The following ESCO1 variants were observed in gnomAD, a reference collection of about 807,000 sequenced individuals.
The protein encoded by ESCO1 is establishment of sister chromatid cohesion N-acetyltransferase 1.
Under a neutral mutation model 83.5 loss-of-function variants are expected in ESCO1, and 33 were observed. The observed-to-expected ratio is 0.40, with a 90% CI of 0.30 to 0.53. ESCO1 has a LOEUF of 0.53. ESCO1 is among the 20% of genes least tolerant of loss of function. The pLI is 0.63. For missense variants in ESCO1, 855 were observed against 968.0 expected (o/e 0.88, Z 1.55); for synonymous variants, 332 against 324.3 (o/e 1.02, Z -0.25).
chr18:21,564,376 G>A, intron 6 of ESCO1, 59 bp from the exon 7 acceptor site: 1 of 1,139,798 alleles, frequency 8.8e-7, no homozygotes, highest in Non-Finnish European at 1.2e-6. Context: ...ATCATTTGAA[G>A]GGGAAAAAAT....
chr18:21,530,533 T>C, intron 11 of ESCO1, 43 bp from the exon 12 acceptor site: 2 of 1,334,154 alleles, frequency 1.5e-6, no homozygotes, highest in Non-Finnish European at 2.0e-6. Flanking sequence ...AAGTGTGAAA[T>C]GTTAAAAAAA....
intron 10 of ESCO1, 69 bp downstream of exon 10, chr18:21,535,973 T>C: frequency 6.5e-7 from 1 of 1,541,564 alleles, no homozygotes; most frequent in Non-Finnish European, 8.8e-7. Flanking sequence ...TCAGGATTTA[T>C]GTTATTTGGG....
At chr18:21,581,665 G>A (rs1029265213) in intron 2 of ESCO1, among the ~76,000 whole-genome samples, 3 of 151,928 alleles carry the variant, frequency 2.0e-5, no homozygotes, top group Non-Finnish European at 4.4e-5. Flanking sequence ...ATCCATCAGG[G>A]AATTTAGTAC....
At chr18:21,555,178 A>C (rs1295875933) in intron 8 of ESCO1, among the ~76,000 whole-genome samples, 1 of 152,202 alleles carries the variant, frequency 6.6e-6, no homozygotes, top group East Asian at 1.9e-4. Flanking sequence ...AAGGCTACAT[A>C]CTATATTATT....
chr18:21,556,183 G>A (rs1598461170), intron 8 of ESCO1, among the ~76,000 whole-genome samples: 1 of 152,170 alleles, frequency 6.6e-6, no homozygotes, highest in East Asian at 1.9e-4. Flanking sequence ...GAGCCCAGGA[G>A]TTTGAGGCTA....
At chr18:21,561,610 T>A (rs950159820) in intron 7 of ESCO1, among the ~76,000 whole-genome samples, 1 of 152,138 alleles carries the variant, frequency 6.6e-6, no homozygotes, top group Non-Finnish European at 1.5e-5. Flanking sequence ...GTATTTTTAG[T>A]AAAGATGGGG....
chr18:21,535,485 C>T (rs184168285), intron 10 of ESCO1, among the ~76,000 whole-genome samples: 318 of 151,948 alleles, frequency 2.1e-3, no homozygotes, highest in Middle Eastern at 0.01. Context: ...CGGGTTCAAG[C>T]GATTCTCTTG....
At chr18:21,558,234 A>G (rs1182375929) in intron 8 of ESCO1, among the ~76,000 whole-genome samples, 1 of 151,994 alleles carries the variant, frequency 6.6e-6, no homozygotes, top group East Asian at 1.9e-4. Context: ...TCATTTCCCC[A>G]AATGGTGTCA....
intron 2 of ESCO1, among the ~76,000 whole-genome samples, chr18:21,577,361 TA>T (rs1555671990): frequency 0.011 from 588 of 52,942 alleles, 9 homozygotes; most frequent in African/African-American, 0.042. Flanking sequence ...CCATCTTTTT[TA>T]AAAAAAAAAA....
chr18:21,532,297 C>T (rs922921357), intron 11 of ESCO1, among the ~76,000 whole-genome samples, 176 bp downstream of exon 11: 4 of 152,170 alleles, frequency 2.6e-5, no homozygotes, highest in African/African-American at 9.7e-5. Context: ...TTCCTCCTCA[C>T]ATTACATTCT....
intron 7 of ESCO1, 73 bp from the exon 8 acceptor site, chr18:21,561,063 A>C (rs2038179616): frequency 7.1e-7 from 1 of 1,416,812 alleles, no homozygotes; most frequent in Admixed American, 2.5e-5. Flanking sequence ...CTCTAAGGCT[A>C]TAGTGTGAGC....
chr18:21,564,329 T>A lies in ESCO1; in HGVS notation c.1707-12A>T, dbSNP rs1396042378. The stretch of plus-strand genomic sequence containing the variant: ...TTCGTGGTGTCTCCCTTAAAAAAAA[T>A]AAAATTACTAAATGTTACAGATCCA... On this transcript the variant is annotated splice_polypyrimidine_tract_variant and intron_variant, in intron 6 of 11. Transcript: ENST00000269214. 1 of 1,490,234 alleles carries A rather than the reference T, an allele frequency of 6.7e-7. No individual in the cohort carries two copies. Among genetic ancestry groups the A allele is most frequent in the African/African-American group, 1.4e-5 (1 of 71,932 alleles). 92.3% of individuals were successfully genotyped at this position (1,490,234 alleles called of 1,614,324 possible).
chr18:21,537,308 C>T, intron 9 of ESCO1, among the ~76,000 whole-genome samples: 1 of 152,192 alleles, frequency 6.6e-6, no homozygotes, highest in Non-Finnish European at 1.5e-5. Context: ...AATCCCAGCA[C>T]TTTGGGAGGC....
chr18:21,536,124 C>A lies in ESCO1; in HGVS notation c.2105G>T (p.Cys702Phe), dbSNP rs368988268. ...DLGFQQAPLM[C>F]YSRTKTLLFI... Reference sequence around the variant, plus strand: ...GAGAAGTGTTTTAGTTCTGGAATAGCACATTAGTGGAGCCTGTTGAAAACC... The same window carrying A: ...GAGAAGTGTTTTAGTTCTGGAATAGAACATTAGTGGAGCCTGTTGAAAACC... Residue 702 changes from cysteine to phenylalanine, a missense_variant, in exon 10 of 12, where the codon TGC becomes TTC. Physicochemically the swap from Cys to Phe is radical, Grantham distance 205 (BLOSUM62 -2). This residue lies in a region of ESCO1 where 129 missense variants were observed against 268.5 expected (regional missense o/e 0.48). Transcript: ENST00000269214. 4.3e-6 allele frequency: 7 copies of A among 1,614,128 alleles called. No individual in the cohort carries two copies. The highest frequency in any genetic ancestry group is 5.9e-6 in the Non-Finnish European group (7 of 1,180,000).
At chr18:21,570,537 T>C (rs2038326054) in intron 4 of ESCO1, among the ~76,000 whole-genome samples, 1 of 152,268 alleles carries the variant, frequency 6.6e-6, no homozygotes, top group African/African-American at 2.4e-5. Flanking sequence ...TGTGCTAGTA[T>C]TTTTGTAAAA....
In ESCO1 at chr18:21,574,598, G is replaced by A. The variant is rs773328724; in HGVS notation, c.246C>T (p.Ser82=). ...TCACAGTCACCGTATTTTTATTAAT[G>A]GATTTAGTAGCTTTATCATTAGATG... ...KAASNDKATK[S]INKNTVTVRG... is the part of the protein sequence containing the mutation. Residue 82 remains serine, a synonymous_variant, in exon 4 of 12, where the codon TCC becomes TCT. Transcript: ENST00000269214. 2.0e-5 allele frequency: 33 copies of A among 1,613,828 alleles called. No individual in the cohort carries two copies.
intron 9 of ESCO1, among the ~76,000 whole-genome samples, chr18:21,538,718 A>T (rs904708947): frequency 7.2e-5 from 11 of 152,320 alleles, no homozygotes; most frequent in African/African-American, 2.6e-4. Context: ...ACCTAAAAAA[A>T]AGTATAATAA....
chr18:21,563,462 C>T (rs573881789), intron 7 of ESCO1, among the ~76,000 whole-genome samples: 1 of 152,280 alleles, frequency 6.6e-6, no homozygotes, highest in South Asian at 2.1e-4. Flanking sequence ...ACTCTCCTGC[C>T]TCAGATTCCT....
chr18:21,561,458 C>CG (rs1459321257), intron 7 of ESCO1, among the ~76,000 whole-genome samples: 1 of 152,062 alleles, frequency 6.6e-6, no homozygotes, highest in African/African-American at 2.4e-5. Context: ...GACAAGGTCC[C>CG]GCTCTGTCAC....
Sources: allele counts gnomAD v4.1 joint callset (sites outside exome capture counted in the v4.1 genomes callset), GRCh38; gene constraint gnomAD v4.1.1; regional missense constraint gnomAD v4.1.1; transcripts MANE v1.5; gene names NCBI Gene and HGNC (gene_info 2026-07-23, HGNC 2026-07-21).